Variants in UQCRC1 observed in about 807,000 individuals in gnomAD.
UQCRC1 encodes ubiquinol-cytochrome c reductase core protein 1.
Under a neutral mutation model 58.0 loss-of-function variants are expected in UQCRC1, and 34 were observed. That is an observed-to-expected ratio of 0.59 (90% CI 0.45 to 0.78). The LOEUF is 0.78. Ranked by LOEUF, UQCRC1 falls within the 30% of genes least tolerant of loss-of-function variation. The pLI is 0.00. For synonymous variants in UQCRC1, 276 were observed against 248.8 expected, an observed-to-expected ratio of 1.11 and a Z score of -1.03; for missense variants, 610 against 646.0, an observed-to-expected ratio of 0.94 and a Z score of 0.60.
intron 2 of UQCRC1, among the ~76,000 whole-genome samples, chr3:48,608,953 T>C (rs1315508439): frequency 6.6e-6 from 1 of 152,168 alleles, no homozygotes; most frequent in Non-Finnish European, 1.5e-5. Context: ...GGGCATTATA[T>C]GCTAAATAAT....
intron 5 of UQCRC1, 147 bp from the exon 6 acceptor site, chr3:48,603,790 CT>C (rs1428449390): frequency 1.3e-5 from 10 of 768,502 alleles, no homozygotes; most frequent in Non-Finnish European, 1.9e-5. Flanking sequence ...CCCCCTTCCC[CT>C]GTCTCTGCCA....
intron 3 of UQCRC1, 102 bp from the exon 4 acceptor site, chr3:48,604,882 C>T: frequency 2.0e-6 from 3 of 1,507,534 alleles, no homozygotes; most frequent in Non-Finnish European, 2.7e-6. Context: ...TCCACAGGTA[C>T]CTCCCTCAGC....
At chr3:48,601,224 G>C in intron 7 of UQCRC1, 106 bp from the exon 8 acceptor site, 1 of 1,532,752 alleles carries the variant, frequency 6.5e-7, no homozygotes, top group East Asian at 2.4e-5. Context: ...GTGTGCCTGT[G>C]ATGCAGCAGC....
chr3:48,606,346 A>G (rs1182924644), intron 2 of UQCRC1, among the ~76,000 whole-genome samples: 1 of 152,206 alleles, frequency 6.6e-6, no homozygotes, highest in Non-Finnish European at 1.5e-5. Flanking sequence ...TTGTTCCTAT[A>G]ATATCTTTTT....
intron 12 of UQCRC1, chr3:48,599,434 C>T: frequency 2.9e-6 from 2 of 696,746 alleles, no homozygotes; most frequent in South Asian, 3.7e-5. Flanking sequence ...GATGAAGGCA[C>T]CTTGGCAGGC....
At chr3:48,599,251 C>T in intron 12 of UQCRC1, 59 bp from the exon 13 acceptor site, 1 of 1,522,256 alleles carries the variant, frequency 6.6e-7, no homozygotes, top group Non-Finnish European at 8.9e-7. Flanking sequence ...GGACACCTGG[C>T]CCTGTGCCGC....
At position 48,609,640 on chromosome 3, in the gene UQCRC1, C is replaced by G; in HGVS notation, c.-20G>C. ...CGCCATCTTCCAGCTGCAGTCGGCC[C>G]TGTTGCGCCGCGCAAGCGTAGACTG... is the stretch of plus-strand genomic sequence containing the variant. On this transcript the variant is annotated 5_prime_UTR_variant, in exon 1 of 13. Transcript: ENST00000203407. The G allele has an allele frequency of 6.5e-7, 1 of 1,547,724 alleles. No individual in the cohort carries two copies. Among genetic ancestry groups the G allele is most frequent in the South Asian group, 1.2e-5 (1 of 84,400 alleles).
chr3:48,609,041 G>T (rs2046438473), intron 2 of UQCRC1, 121 bp downstream of exon 2: 1 of 1,361,888 alleles, frequency 7.3e-7, no homozygotes, highest in Non-Finnish European at 9.9e-7. Context: ...CGGGGTGAGT[G>T]GTCCTGGGTC....
intron 1 of UQCRC1, 89 bp downstream of exon 1, chr3:48,609,463 C>T: frequency 2.6e-6 from 4 of 1,522,268 alleles, no homozygotes; most frequent in Non-Finnish European, 2.6e-6. Context: ...CCGCGTCCTC[C>T]CCACCTCGAC....
In UQCRC1 at chr3:48,609,240, G is replaced by A; in HGVS notation, c.132C>T (p.Phe44=). The change falls in exon 2 of 13, where the codon TTC becomes TTT. Residue 44 remains phenylalanine (F), a synonymous_variant. Coordinates refer to ENST00000203407, the MANE Select transcript of UQCRC1 (RefSeq NM_003365.3). The stretch of plus-strand genomic sequence containing the variant: ...GCAGGCTAACCTGCGTCTCCGGCAC[G>A]AACTGGAGCGCCTGAGCGAAGGTTG... ...STATFAQALQ[F]VPETQVSLLD... The A allele has an allele frequency of 1.2e-6, 2 of 1,612,446 alleles. No individual in the cohort carries two copies. Among genetic ancestry groups the A allele is most frequent in the Non-Finnish European group, 1.7e-6 (2 of 1,179,368 alleles).
chr3:48,600,828 G>A lies in UQCRC1; in HGVS notation c.979C>T (p.Pro327Ser). 1 of 1,613,966 alleles carries A rather than the reference G, an allele frequency of 6.2e-7. No individual in the cohort carries two copies. Among genetic ancestry groups the A allele is most frequent in the Non-Finnish European group, 8.5e-7 (1 of 1,180,032 alleles). ...TTGGCCACAGCACCTGAAGCCAGTG[G>A]GCTGGACAGGTGCTGCCAGGGGGAT... Reference protein sequence around the residue: ...TYGGGVHLSSPLASGAVANKL... With the variant: ...TYGGGVHLSSSLASGAVANKL... The change falls in exon 9 of 13, where the codon CCA becomes TCA. Residue 327 changes from proline (P) to serine (S), a missense_variant. By Grantham distance (74) the Pro-to-Ser change is moderately conservative (BLOSUM62 -1). Transcript: ENST00000203407.
chr3:48,606,140 C>T (rs2107847202), intron 2 of UQCRC1, among the ~76,000 whole-genome samples: 1 of 152,360 alleles, frequency 6.6e-6, no homozygotes, highest in Non-Finnish European at 1.5e-5. Context: ...CACCAGCATA[C>T]AAATCCTTAA....
At chr3:48,600,331 C>T in intron 10 of UQCRC1, 151 bp downstream of exon 10, 2 of 1,091,892 alleles carry the variant, frequency 1.8e-6, no homozygotes, top group East Asian at 5.1e-5. Context: ...CTGTCTCACA[C>T]CTGCCTGCAT....
intron 2 of UQCRC1, among the ~76,000 whole-genome samples, chr3:48,607,855 C>T (rs1414333072): frequency 4.6e-5 from 7 of 151,126 alleles, no homozygotes; most frequent in Middle Eastern, 3.2e-3. Context: ...GATGGACTCT[C>T]GCTCTCTCAC....
In UQCRC1 at chr3:48,599,753, G is replaced by T. The variant is rs779567657; in HGVS notation, c.1303-43C>A. ...GGGCATACTGGCTAACGGGCACCTG[G>T]CCACCACCTCAGCCAGTCAGCATCA... On this transcript the variant is annotated intron_variant, in intron 11 of 12. Transcript: ENST00000203407. The T allele has an allele frequency of 1.9e-6, 3 of 1,591,780 alleles. No homozygotes were observed. The Admixed American group carries it at 5.0e-5, about 27-fold the overall frequency.
chr3:48,608,006 G>C (rs1190429067), intron 2 of UQCRC1, among the ~76,000 whole-genome samples: 1 of 152,144 alleles, frequency 6.6e-6, no homozygotes, highest in Non-Finnish European at 1.5e-5. Context: ...ATTTTTAGTA[G>C]AGATGGGGCT....
intron 5 of UQCRC1, chr3:48,603,994 G>A (rs1008316846): frequency 8.4e-6 from 5 of 594,032 alleles, no homozygotes; most frequent in South Asian, 2.1e-5. Flanking sequence ...CAGACACTTC[G>A]CCCTTGGACT....
At chr3:48,605,996 C>G (rs1476206435) in intron 2 of UQCRC1, 140 bp from the exon 3 acceptor site, 3 of 750,716 alleles carry the variant, frequency 4.0e-6, no homozygotes, top group Non-Finnish European at 6.3e-6. Flanking sequence ...CCAGCAGGAC[C>G]CCTGTGCTTG....
intron 7 of UQCRC1, 116 bp downstream of exon 7, chr3:48,601,236 A>G: frequency 6.5e-7 from 1 of 1,534,480 alleles, no homozygotes; most frequent in Non-Finnish European, 8.8e-7. Flanking sequence ...TGCAGCAGCC[A>G]CAGAACCCCT....
Sources: allele counts gnomAD v4.1 joint callset (sites outside exome capture counted in the v4.1 genomes callset), GRCh38; gene constraint gnomAD v4.1.1; transcripts MANE v1.5; gene names NCBI Gene and HGNC (gene_info 2026-07-23, HGNC 2026-07-21).